The following RBFOX1 variants were observed in gnomAD, a reference collection of about 807,000 sequenced individuals.
RBFOX1 encodes RNA binding fox-1 homolog 1, also known as RNA binding protein fox-1 homolog 1.
A neutral mutation model predicts 57.7 loss-of-function variants in RBFOX1; 8 were observed. That is an observed-to-expected ratio of 0.14 (90% confidence interval 0.08 to 0.25). The LOEUF is 0.25. Among genes scored for constraint, RBFOX1 ranks in the 10% least tolerant of loss-of-function variants. The pLI, the probability that RBFOX1 is intolerant of heterozygous loss-of-function variation, is 1.00. For missense variants in RBFOX1, 611 were observed against 548.5 expected (o/e 1.11, Z -1.14); for synonymous variants, 326 against 222.4 (o/e 1.47, Z -4.15).
chr16:6,545,787 T>C (rs8059553), intron 2 of RBFOX1, among the ~76,000 whole-genome samples: 77,597 of 152,092 alleles, frequency 0.51, 20,915 homozygotes, highest in Non-Finnish European at 0.6. Context: ...GGAAGGCATA[T>C]AGTGGACAGC....
intron 2 of RBFOX1, among the ~76,000 whole-genome samples, chr16:6,317,440 AAC>A (rs1381522917): frequency 6.6e-6 from 1 of 152,156 alleles, no homozygotes. Context: ...AATGCCAGCA[AAC>A]ACAGATCAGT....
chr16:5,760,360 T>TCACACA lies in RBFOX1; in HGVS notation c.319-106931_319-106926dup, dbSNP rs61662533. ...AAATAAAGATAAGTACTCAGCAATT[T>TCACACA]CACACACACACACACACGTATATAC... On this transcript the variant is annotated intron_variant, in intron 3 of 19. Transcript: ENST00000641259. Among the ~76,000 whole-genome samples, 396 of 150,852 alleles carry TCACACA rather than the reference T, an allele frequency of 2.6e-3. 3 individuals are homozygous for TCACACA. Among genetic ancestry groups the TCACACA allele is most frequent in the African/African-American group, 9.1e-3 (375 of 41,118 alleles).
intron 4 of RBFOX1, among the ~76,000 whole-genome samples, chr16:7,414,434 C>A (rs747031673): frequency 6.6e-6 from 1 of 152,124 alleles, no homozygotes; most frequent in Non-Finnish European, 1.5e-5. Flanking sequence ...ATTGAAAAAT[C>A]TTCAATTAAA....
intron 4 of RBFOX1, among the ~76,000 whole-genome samples, chr16:7,468,543 C>G (rs568618621): frequency 6.7e-6 from 1 of 149,562 alleles, no homozygotes; most frequent in African/African-American, 2.5e-5. Flanking sequence ...GTTATTAACA[C>G]TGATACACAT....
intron 4 of RBFOX1, among the ~76,000 whole-genome samples, chr16:7,069,492 C>A (rs1598635483): frequency 6.6e-6 from 1 of 152,184 alleles, no homozygotes; most frequent in African/African-American, 2.4e-5. Flanking sequence ...ATAATGGCTT[C>A]CAGCTTCATC....
At chr16:5,529,857 C>T (rs556239238) in intron 2 of RBFOX1, among the ~76,000 whole-genome samples, 2 of 152,214 alleles carry the variant, frequency 1.3e-5, no homozygotes, top group African/African-American at 2.4e-5. Flanking sequence ...CATGAGCCAT[C>T]GTGCCTGTCC....
rs1368010454 is a variant in RBFOX1 at position 5,358,308 on chromosome 16, T to C, written c.220-108908T>C. Among the ~76,000 whole-genome samples, 4 of 141,334 alleles carry C rather than the reference T, an allele frequency of 2.8e-5. No individual in the cohort carries two copies. The East Asian group carries it at 7.7e-4, about 27-fold the overall frequency. The allele number at this position is 141,334 out of a possible 152,430, so 92.7% of individuals were successfully genotyped here. ...GATTAGGGCCCATTCTGTTCCAGTA[T>C]GACCTACTGTAATCTTTTTATGCCT... On this transcript the variant is annotated intron_variant, in intron 1 of 2. Coordinates refer to the RBFOX1 transcript ENST00000585867.
At chr16:5,660,350 G>A (rs1020649113) in intron 3 of RBFOX1, among the ~76,000 whole-genome samples, 8 of 152,066 alleles carry the variant, frequency 5.3e-5, no homozygotes, top group South Asian at 4.2e-4. Flanking sequence ...TCGCGTTTTC[G>A]GCTTAGCTGG....
At chr16:6,040,135 C>G (rs2095420189) in intron 1 of RBFOX1, among the ~76,000 whole-genome samples, 1 of 152,160 alleles carries the variant, frequency 6.6e-6, no homozygotes, top group Non-Finnish European at 1.5e-5. Context: ...TTTATTAAAG[C>G]CCATAGTTTA....
At chr16:5,416,378 A>G (rs1397175058) in intron 1 of RBFOX1, among the ~76,000 whole-genome samples, 14 of 152,236 alleles carry the variant, frequency 9.2e-5, no homozygotes, top group Non-Finnish European at 1.3e-4. Context: ...ATACATATCT[A>G]TCTTTCCTTT....
chr16:5,636,600 G>T (rs1254621714), intron 3 of RBFOX1, among the ~76,000 whole-genome samples: 1 of 152,054 alleles, frequency 6.6e-6, no homozygotes, highest in Non-Finnish European at 1.5e-5. Flanking sequence ...TCATGAACTG[G>T]GCAGCTACTG....
At chr16:6,529,069 T>C (rs562309822) in intron 2 of RBFOX1, among the ~76,000 whole-genome samples, 1 of 152,220 alleles carries the variant, frequency 6.6e-6, no homozygotes, top group East Asian at 1.9e-4. Context: ...CAAAAAAACT[T>C]CTTGTAAACC....
intron 2 of RBFOX1, among the ~76,000 whole-genome samples, chr16:5,598,524 A>T (rs542821023): frequency 6.6e-6 from 1 of 152,342 alleles, no homozygotes; most frequent in South Asian, 2.1e-4. Context: ...TAAACATAGC[A>T]ATATATTTTA....
intron 2 of RBFOX1, among the ~76,000 whole-genome samples, chr16:6,331,377 G>T (rs550379625): frequency 6.6e-6 from 1 of 152,144 alleles, no homozygotes; most frequent in Non-Finnish European, 1.5e-5. Flanking sequence ...AGCCCGGGAG[G>T]TGGAGGTTGC....
intron 3 of RBFOX1, among the ~76,000 whole-genome samples, chr16:5,800,075 A>C (rs914726768): frequency 6.6e-6 from 1 of 152,018 alleles, no homozygotes; most frequent in Non-Finnish European, 1.5e-5. Flanking sequence ...ATACATATAC[A>C]TGTCCTACTT....
At chr16:6,593,451 C>T (rs1234433368) in intron 2 of RBFOX1, among the ~76,000 whole-genome samples, 6 of 152,090 alleles carry the variant, frequency 3.9e-5, no homozygotes, top group East Asian at 1.9e-4. Flanking sequence ...GTTTGGTGAT[C>T]GCCTCTTTTT....
chr16:7,571,057 G>T (rs571547151), intron 5 of RBFOX1, among the ~76,000 whole-genome samples: 1 of 152,128 alleles, frequency 6.6e-6, no homozygotes, highest in Non-Finnish European at 1.5e-5. Flanking sequence ...ACAGGGAGGG[G>T]AACAACACAC....
chr16:7,701,387 CCAGTGG>C (rs1239777290), intron 14 of RBFOX1, among the ~76,000 whole-genome samples: 1 of 152,178 alleles, frequency 6.6e-6, no homozygotes, highest in Non-Finnish European at 1.5e-5. Context: ...TCCTGTCTGA[CCAGTGG>C]CAGCATTAGA....
intron 2 of RBFOX1, among the ~76,000 whole-genome samples, chr16:5,478,681 A>G (rs1372065185): frequency 6.6e-6 from 1 of 151,962 alleles, no homozygotes; most frequent in Non-Finnish European, 1.5e-5. Flanking sequence ...GCTCTTCTCC[A>G]CTGTTCTTTG....
Sources: allele counts gnomAD v4.1 joint callset (sites outside exome capture counted in the v4.1 genomes callset), GRCh38; gene constraint gnomAD v4.1.1; transcripts MANE v1.5; gene names NCBI Gene and HGNC (gene_info 2026-07-23, HGNC 2026-07-21).